Variants in REC114 observed in about 807,000 individuals in gnomAD.
REC114 encodes the protein REC114 meiotic recombination protein, also known as meiotic recombination protein REC114.
Under a neutral mutation model 31.3 loss-of-function variants are expected in REC114, and 27 were observed. The ratio of observed to expected loss-of-function variants is 0.86; its 90% CI spans 0.64 to 1.19. REC114 has a LOEUF of 1.19. Among genes scored for constraint, REC114 ranks in the 50% most tolerant of loss-of-function variants. The pLI is 0.00. For synonymous variants in REC114, 134 were observed against 127.7 expected (o/e 1.05, Z -0.33); for missense variants, 344 against 326.9 (o/e 1.05, Z -0.40).
At chr15:73,467,591 A>G (rs553011176) in intron 1 of REC114, among the ~76,000 whole-genome samples, 1 of 152,310 alleles carries the variant, frequency 6.6e-6, no homozygotes, top group East Asian at 1.9e-4. Context: ...TATAAGAGGG[A>G]TCAGTACATA....
intron 2 of REC114, among the ~76,000 whole-genome samples, chr15:73,498,142 T>C (rs74906355): frequency 3.6e-4 from 55 of 152,234 alleles, no homozygotes; most frequent in African/African-American, 1.1e-3. Flanking sequence ...TAAGGTGTTA[T>C]GAATGTTATT....
intron 2 of REC114, among the ~76,000 whole-genome samples, chr15:73,486,392 G>A (rs999394762): frequency 5.3e-5 from 8 of 151,960 alleles, no homozygotes; most frequent in Admixed American, 2.0e-4. Flanking sequence ...CACTGTACCC[G>A]GCCACCATAC....
intron 2 of REC114, among the ~76,000 whole-genome samples, chr15:73,493,224 T>G (rs180869462): frequency 1.7e-3 from 262 of 152,212 alleles, no homozygotes; most frequent in African/African-American, 6.1e-3. Flanking sequence ...CTCACCGTAT[T>G]GCCCAGGCAG....
intron 4 of REC114, 145 bp downstream of exon 4, chr15:73,551,295 C>G (rs990690923): frequency 2.5e-6 from 2 of 812,970 alleles, no homozygotes; most frequent in African/African-American, 1.7e-5. Flanking sequence ...AAATTGAGGT[C>G]GATACTCATT....
Position 73,471,793 on chromosome 15 carries a change from CAAAA to C in REC114, c.160-2035_160-2032del, listed in dbSNP as rs574634508. On this transcript the variant is annotated intron_variant, in intron 1 of 5. Transcript: ENST00000331090. ...ACCCATCAGCAAACAAACAAACAAA[CAAAA>C]AAAGGGTGGTATCATCATAGAAGGT... is the stretch of plus-strand genomic sequence containing the variant. Among the ~76,000 whole-genome samples the C allele has an allele frequency of 1.1e-3, 162 of 151,436 alleles. 1 individual carries two copies. The highest frequency in any genetic ancestry group is 3.8e-3 in the African/African-American group (158 of 41,340).
At chr15:73,491,300 C>CTTAATTTTGTGTA (rs1567868943) in intron 2 of REC114, among the ~76,000 whole-genome samples, 21 of 151,470 alleles carry the variant, frequency 1.4e-4, no homozygotes, top group African/African-American at 4.9e-4. Flanking sequence ...TGTGTATTTT[C>CTTAATTTTGTGTA]TTAATTTCTT....
intron 2 of REC114, among the ~76,000 whole-genome samples, chr15:73,523,926 A>G (rs1420856913): frequency 1.3e-5 from 2 of 152,220 alleles, no homozygotes; most frequent in Non-Finnish European, 2.9e-5. Flanking sequence ...TGATTGTCCC[A>G]GCACCATTTT....
chr15:73,540,616 A>T (rs772592136), intron 3 of REC114, 48 bp downstream of exon 3: 40 of 1,511,278 alleles, frequency 2.6e-5, no homozygotes, highest in Middle Eastern at 3.4e-4. Context: ...CTATGTGTGT[A>T]TGTTGGGGAG....
chr15:73,489,989 T>C (rs1893422827), intron 2 of REC114, among the ~76,000 whole-genome samples: 1 of 152,224 alleles, frequency 6.6e-6, no homozygotes, highest in Non-Finnish European at 1.5e-5. Context: ...TGACCACCCA[T>C]GACTGGAATA....
chr15:73,542,946 CTT>C (rs199804904), intron 3 of REC114, among the ~76,000 whole-genome samples: 17 of 138,132 alleles, frequency 1.2e-4, no homozygotes, highest in African/African-American at 4.4e-4. Flanking sequence ...GAAGTATACA[CTT>C]TTTTTTTTTT....
At chr15:73,514,173 A>C (rs927860033) in intron 2 of REC114, among the ~76,000 whole-genome samples, 9 of 151,448 alleles carry the variant, frequency 5.9e-5, no homozygotes, top group African/African-American at 2.2e-4. Context: ...CCGGTCTGAA[A>C]AGCGCAATAT....
intron 1 of REC114, among the ~76,000 whole-genome samples, chr15:73,455,207 C>T (rs1892899873): frequency 6.6e-6 from 1 of 151,824 alleles, no homozygotes; most frequent in African/African-American, 2.4e-5. Flanking sequence ...AAAAGATGAG[C>T]CATCTAAAGA....
intron 2 of REC114, among the ~76,000 whole-genome samples, chr15:73,522,751 A>G (rs772403159): frequency 1.3e-5 from 2 of 152,172 alleles, no homozygotes; most frequent in African/African-American, 4.8e-5. Context: ...TTAGTATTCA[A>G]GTTTTGTGTG....
At chr15:73,457,349 T>C (rs1323376232) in intron 1 of REC114, among the ~76,000 whole-genome samples, 1 of 152,158 alleles carries the variant, frequency 6.6e-6, no homozygotes, top group African/African-American at 2.4e-5. Flanking sequence ...CGCATATATA[T>C]ATGTTGATCA....
At chr15:73,463,613 G>C (rs1463318554) in intron 1 of REC114, among the ~76,000 whole-genome samples, 1 of 152,172 alleles carries the variant, frequency 6.6e-6, no homozygotes, top group East Asian at 1.9e-4. Flanking sequence ...TTGAGGTCAA[G>C]AATTTGAGAC....
chr15:73,512,525 G>A (rs2141315349), intron 2 of REC114, among the ~76,000 whole-genome samples: 1 of 72,184 alleles, frequency 1.4e-5, no homozygotes, highest in Non-Finnish European at 2.5e-5. Flanking sequence ...AGTTGATGCA[G>A]TTTCTTCCTA....
At chr15:73,453,054 A>G (rs928142546) in intron 1 of REC114, among the ~76,000 whole-genome samples, 1 of 152,210 alleles carries the variant, frequency 6.6e-6, no homozygotes, top group Non-Finnish European at 1.5e-5. Flanking sequence ...AGGCAATACC[A>G]TTCAGGACAT....
intron 4 of REC114, among the ~76,000 whole-genome samples, chr15:73,553,859 CAAAGACTACAGGCTTTGGTATCA>C (rs1159958398): frequency 6.6e-6 from 1 of 152,168 alleles, no homozygotes; most frequent in Non-Finnish European, 1.5e-5. Flanking sequence ...TGATGTTGTG[CAAAGACTACAGGCTTTGGTATCA>C]AAATGGATCT....
At chr15:73,472,632 GGT>G (rs1893147732) in intron 1 of REC114, among the ~76,000 whole-genome samples, 1 of 152,084 alleles carries the variant, frequency 6.6e-6, no homozygotes, top group Admixed American at 6.5e-5. Flanking sequence ...TTTACCTTAC[GGT>G]GTTTATTAAG....
Sources: allele counts gnomAD v4.1 joint callset (sites outside exome capture counted in the v4.1 genomes callset), GRCh38; gene constraint gnomAD v4.1.1; transcripts MANE v1.5; gene names NCBI Gene and HGNC (gene_info 2026-07-23, HGNC 2026-07-21).